Variants in EEF1AKMT4 observed in about 807,000 individuals in gnomAD.
EEF1AKMT4 encodes the protein EEF1A lysine methyltransferase 4, also known as eukaryotic translation elongation factor 1 alpha lysine specific methyltransferase 4.
EEF1AKMT4 carries 17 observed loss-of-function variants against 23.0 expected under a neutral mutation model. The ratio of observed to expected loss-of-function variants is 0.74; its 90% CI spans 0.51 to 1.11. The LOEUF is 1.11. Among genes scored for constraint, EEF1AKMT4 ranks in the 50% least tolerant of loss-of-function variants. The pLI is 0.00. For synonymous variants in EEF1AKMT4, 140 were observed against 141.4 expected (o/e 0.99, Z 0.07); for missense variants, 318 against 333.4 (o/e 0.95, Z 0.36).
chr3:184,250,170 T>C (rs1009827732), intron 1 of EEF1AKMT4, among the ~76,000 whole-genome samples: 4 of 152,200 alleles, frequency 2.6e-5, no homozygotes, highest in Admixed American at 6.5e-5. Context: ...GCAGGCAGCC[T>C]TGGGGACCGG....
Position 184,257,582 on chromosome 3 carries a change from C to G in EEF1AKMT4, c.306C>G (p.Ala102=). ...TGGCTGCCATGCAGGCTCGCCATGCCCATGTGCCGCAGCTGCGCTGGGAGA... is the reference window on the plus strand; with the variant it reads ...TGGCTGCCATGCAGGCTCGCCATGCGCATGTGCCGCAGCTGCGCTGGGAGA... ...VVVAAMQARH[A]HVPQLRWETM... The change falls in exon 2 of 3, where the codon GCC becomes GCG. Residue 102 remains alanine, a synonymous_variant. Coordinates refer to ENST00000324557, the MANE Select transcript of EEF1AKMT4 (RefSeq NM_032331.4). 1 of 1,614,156 alleles carries G rather than the reference C, an allele frequency of 6.2e-7. No individual in the cohort carries two copies. Among genetic ancestry groups the G allele is most frequent in the Non-Finnish European group, 8.5e-7 (1 of 1,180,036 alleles).
Position 184,258,467 on chromosome 3 carries a change from C to T in EEF1AKMT4, c.660C>T (p.Ala220=). 1.2e-6 allele frequency: 2 copies of T among 1,613,830 alleles called. No homozygotes were observed. The highest frequency in any genetic ancestry group is 3.3e-5 in the Admixed American group (2 of 59,984). Residue 220 remains alanine (A), a synonymous_variant, in exon 3 of 3, where the codon GCC becomes GCT. Coordinates refer to ENST00000324557, the MANE Select transcript of EEF1AKMT4 (RefSeq NM_032331.4). ...ACAAGGGCGGGAAGCTCAGTGTGGC[C>T]CAGCTGGCTCTGGGGGCCCAAATCC... ...LMHKGGKLSV[A]QLALGAQILS...
chr3:184,256,282 A>T (rs1719797933), intron 1 of EEF1AKMT4, among the ~76,000 whole-genome samples: 1 of 151,008 alleles, frequency 6.6e-6, no homozygotes, highest in African/African-American at 2.4e-5. Context: ...CAAAAAAAAA[A>T]AAAAAAAAGA....
intron 1 of EEF1AKMT4, among the ~76,000 whole-genome samples, chr3:184,251,085 CAAAAAAAAAA>C (rs57069077): frequency 2.8e-5 from 2 of 70,892 alleles, no homozygotes; most frequent in African/African-American, 1.2e-4. Flanking sequence ...AACTCTGTCT[CAAAAAAAAAA>C]AAAAAAAAAG....
At position 184,257,614 on chromosome 3, in the gene EEF1AKMT4, A is replaced by T; in HGVS notation, c.338A>T (p.Asp113Val). The change falls in exon 2 of 3, where the codon GAT (aspartate) becomes GTT (valine). Residue 113 changes from aspartate (D) to valine (V), a missense_variant. Coordinates refer to ENST00000324557, the MANE Select transcript of EEF1AKMT4 (RefSeq NM_032331.4). Reference sequence around the variant, plus strand: ...CCGCAGCTGCGCTGGGAGACCATGGATGTGCGGAAGCTGGACTTCCCCAGT... The same window carrying T: ...CCGCAGCTGCGCTGGGAGACCATGGTTGTGCGGAAGCTGGACTTCCCCAGT... ...HVPQLRWETM[D>V]VRKLDFPSAS... 1 of 1,614,176 alleles carries T rather than the reference A, an allele frequency of 6.2e-7. No homozygotes were observed. Among genetic ancestry groups the T allele is most frequent in the Non-Finnish European group, 8.5e-7 (1 of 1,180,042 alleles).
chr3:184,256,272 C>CAGAAAAAAAAAAAAAAAAAAA (rs1323118764), intron 1 of EEF1AKMT4, among the ~76,000 whole-genome samples: 5 of 54,206 alleles, frequency 9.2e-5, no homozygotes, highest in African/African-American at 3.3e-4. Context: ...AACTCCATCT[C>CAGAAAAAAAAAAAAAAAAAAA]AAAAAAAAAA....
chr3:184,251,731 C>G (rs1719567201), intron 1 of EEF1AKMT4, among the ~76,000 whole-genome samples: 1 of 152,074 alleles, frequency 6.6e-6, no homozygotes, highest in Non-Finnish European at 1.5e-5. Flanking sequence ...AACAAACAAA[C>G]AAAAAACCAC....
At position 184,252,319 on chromosome 3, in the gene EEF1AKMT4, C is replaced by T. The variant is rs187357171; in HGVS notation, c.196+2429C>T. Among the ~76,000 whole-genome samples the T allele has an allele frequency of 2.2e-4, 33 of 152,226 alleles. No individual in the cohort carries two copies. The East Asian group carries it at 4.2e-3, about 20-fold the overall frequency. On this transcript the variant is annotated intron_variant, in intron 1 of 2. Transcript: ENST00000324557. The stretch of plus-strand genomic sequence containing the variant: ...TAGGAGGGGCAAGAAGTCTAAAAAT[C>T]AAAAGGGGAATTTCTAGAATCCCCA...
At chr3:184,255,654 A>G (rs900149019) in intron 1 of EEF1AKMT4, among the ~76,000 whole-genome samples, 5 of 152,218 alleles carry the variant, frequency 3.3e-5, no homozygotes, top group African/African-American at 1.2e-4. Context: ...CTATAGATCC[A>G]CATCCACTCC....
At chr3:184,253,858 C>T (rs867298270) in intron 1 of EEF1AKMT4, among the ~76,000 whole-genome samples, 1 of 151,884 alleles carries the variant, frequency 6.6e-6, no homozygotes, top group African/African-American at 2.4e-5. Context: ...TTAGTAGAGA[C>T]GGGGTTTCAC....
chr3:184,252,232 G>C (rs76545776), intron 1 of EEF1AKMT4, among the ~76,000 whole-genome samples: 4,531 of 152,134 alleles, frequency 0.03, 220 homozygotes, highest in African/African-American at 0.1. Flanking sequence ...TGCTTGACTG[G>C]TTTTTCACCA....
intron 1 of EEF1AKMT4, among the ~76,000 whole-genome samples, chr3:184,252,879 G>A (rs1050241681): frequency 1.3e-5 from 2 of 150,294 alleles, no homozygotes; most frequent in East Asian, 1.9e-4. Context: ...CCAGGGAGGC[G>A]GAGGTTGCAG....
In EEF1AKMT4 at chr3:184,257,455, C is replaced by T. The variant is rs376074721; in HGVS notation, c.197-18C>T. 3.2e-6 allele frequency: 5 copies of T among 1,584,838 alleles called. No homozygotes were observed. The African/African-American group carries it at 5.4e-5, about 17-fold the overall frequency. ...AAACTAACGTAGCTCTTTTGCTACC[C>T]ATTCCCTCCCACCCCAGGTTGCGGG... On this transcript the variant is annotated intron_variant, in intron 1 of 2. Transcript: ENST00000324557.
At chr3:184,257,808 T>G (rs1165943518) in intron 2 of EEF1AKMT4, 52 bp downstream of exon 2, 4 of 1,562,620 alleles carry the variant, frequency 2.6e-6, no homozygotes, top group Middle Eastern at 2.3e-4. Context: ...GCTGCGGGGT[T>G]GAGGTTTCAG....
chr3:184,253,670 CTTTTT>C (rs34648193), intron 1 of EEF1AKMT4, among the ~76,000 whole-genome samples: 3 of 138,710 alleles, frequency 2.2e-5, no homozygotes, highest in Non-Finnish European at 3.1e-5. Flanking sequence ...ATAATAGTGT[CTTTTT>C]TTTTTTTTTT....
Position 184,251,718 on chromosome 3 carries a change from A to G in EEF1AKMT4, c.196+1828A>G, listed in dbSNP as rs535756802. On this transcript the variant is annotated intron_variant, in intron 1 of 2. Transcript: ENST00000324557. ...CCCTGTCTCAAAACAAAGCAAAACA[A>G]AAAACAAACAAACAAAAAACCACCT... Among the ~76,000 whole-genome samples the G allele has an allele frequency of 2.0e-5, 3 of 152,278 alleles. No homozygotes were observed. The East Asian group carries it at 5.8e-4, about 29-fold the overall frequency.
At chr3:184,252,080 A>G (rs1222487438) in intron 1 of EEF1AKMT4, among the ~76,000 whole-genome samples, 3 of 152,232 alleles carry the variant, frequency 2.0e-5, no homozygotes, top group Non-Finnish European at 4.4e-5. Context: ...GTGTGTATCA[A>G]AATTACCTGG....
intron 1 of EEF1AKMT4, among the ~76,000 whole-genome samples, chr3:184,256,286 A>AAAAAAAAAAAAG (rs1560171418): frequency 2.0e-5 from 3 of 146,564 alleles, no homozygotes; most frequent in Non-Finnish European, 4.6e-5. Flanking sequence ...AAAAAAAAAA[A>AAAAAAAAAAAAG]AAAAGAAAAG....
intron 2 of EEF1AKMT4, 29 bp from the exon 3 acceptor site, chr3:184,258,259 C>A: frequency 1.9e-6 from 3 of 1,584,412 alleles, no homozygotes; most frequent in Non-Finnish European, 2.6e-6. Context: ...ATCCACTTCT[C>A]ACCAATGGCT....
Sources: gnomAD v4.1 joint callset for allele counts (sites outside exome capture counted in the v4.1 genomes callset) on GRCh38, gnomAD v4.1.1 for gene constraint, MANE v1.5 for transcripts, NCBI Gene and HGNC (gene_info 2026-07-23, HGNC 2026-07-21) for gene names.